The following ITPRIP variants were observed in gnomAD, a reference collection of about 807,000 sequenced individuals.
The protein encoded by ITPRIP is inositol 1,4,5-trisphosphate receptor-interacting protein.
Under a neutral mutation model 35.8 loss-of-function variants are expected in ITPRIP, and 32 were observed. The observed-to-expected ratio is 0.89, with a 90% confidence interval of 0.68 to 1.20. The LOEUF (loss-of-function observed/expected upper bound fraction) is 1.20, where lower values mean the gene tolerates loss of function less well. ITPRIP is among the 50% of genes most tolerant of loss of function. The pLI, the probability that ITPRIP is intolerant of heterozygous loss-of-function variation, is 0.00. For synonymous variants in ITPRIP, 358 were observed against 324.0 expected, an observed-to-expected ratio of 1.11 and a Z score of -1.13; for missense variants, 653 against 735.6, an observed-to-expected ratio of 0.89 and a Z score of 1.30.
At position 104,314,789 on chromosome 10, in the gene ITPRIP, G is replaced by A. The variant is rs757807047; in HGVS notation, c.1263C>T (p.Arg421=). The change falls in exon 2 of 2, where the codon CGC becomes CGT. Residue 421 remains arginine, a synonymous_variant. Coordinates refer to ENST00000337478, the MANE Select transcript of ITPRIP (RefSeq NM_001272013.2). ...TGCTGAGCCCGCTGGGACCGGTCAG[G>A]CGGCTCTGCTTGGAGAGCAGGAAGG... The part of the protein sequence containing the change: ...IASFLLSKQS[R]LTGPSGLSSY... 6.2e-7 allele frequency: 1 copy of A among 1,613,976 alleles called. No homozygotes were observed. Among genetic ancestry groups the A allele is most frequent in the Admixed American group, 1.7e-5 (1 of 60,030 alleles).
intron 1 of ITPRIP, among the ~76,000 whole-genome samples, chr10:104,319,005 C>T (rs997011306): frequency 6.6e-6 from 1 of 152,240 alleles, no homozygotes; most frequent in Non-Finnish European, 1.5e-5. Flanking sequence ...AGGATGTAGG[C>T]AGTGCATAGT....
chr10:104,336,149 G>C (rs1434655311), intron 1 of ITPRIP, among the ~76,000 whole-genome samples: 1 of 152,200 alleles, frequency 6.6e-6, no homozygotes, highest in Non-Finnish European at 1.5e-5. Flanking sequence ...CCATCCTCTT[G>C]CCAAGACAGA....
intron 1 of ITPRIP, among the ~76,000 whole-genome samples, chr10:104,318,276 G>A (rs1185909780): frequency 6.6e-6 from 1 of 152,216 alleles, no homozygotes; most frequent in South Asian, 2.1e-4. Flanking sequence ...GCGAGGCTGG[G>A]TGATTAACAT....
At chr10:104,327,494 C>T (rs2014050247) in intron 1 of ITPRIP, among the ~76,000 whole-genome samples, 1 of 152,172 alleles carries the variant, frequency 6.6e-6, no homozygotes, top group Non-Finnish European at 1.5e-5. Flanking sequence ...ATCCATGCTT[C>T]ACCCCTCTGC....
chr10:104,329,333 T>G (rs549233394), intron 1 of ITPRIP, among the ~76,000 whole-genome samples: 1 of 151,936 alleles, frequency 6.6e-6, no homozygotes, highest in African/African-American at 2.4e-5. Flanking sequence ...ATGGTAAGGC[T>G]AGGAACAGTT....
chr10:104,313,923 C>T lies in ITPRIP; in HGVS notation c.*485G>A. 2.0e-6 allele frequency: 2 copies of T among 989,900 alleles called. No individual in the cohort carries two copies. The highest frequency in any genetic ancestry group is 2.4e-6 in the Non-Finnish European group (2 of 832,874). 61.3% of individuals were successfully genotyped at this position (989,900 alleles called of 1,614,324 possible). On this transcript the variant is annotated 3_prime_UTR_variant, in exon 2 of 2. Transcript: ENST00000337478. ...CAAAGGTGGACATTCCCATATCTGT[C>T]CCTGTTAGTGCTTTGGCTGCAGATG... is the stretch of plus-strand genomic sequence containing the variant.
At chr10:104,332,219 A>G (rs994499352) in intron 1 of ITPRIP, among the ~76,000 whole-genome samples, 11 of 152,046 alleles carry the variant, frequency 7.2e-5, no homozygotes, top group African/African-American at 2.2e-4. Context: ...AAATGAAGCC[A>G]CTATTTTTTT....
rs572836641 is a variant in ITPRIP at position 104,316,306 on chromosome 10, C to T, written c.-13-242G>A. ...AGACATTCCTGGATGGCAGCAGCACCCCACTGTCCCTAACCCTTTTCTCCT... is the reference window on the plus strand; with the variant it reads ...AGACATTCCTGGATGGCAGCAGCACTCCACTGTCCCTAACCCTTTTCTCCT... On this transcript the variant is annotated intron_variant, in intron 1 of 1. Transcript: ENST00000337478. Among the ~76,000 whole-genome samples the T allele has an allele frequency of 9.9e-5, 15 of 152,260 alleles. No homozygotes were observed. In the East Asian group the frequency reaches 2.9e-3, roughly 29 times the overall value.
At chr10:104,331,331 G>A (rs546762806) in intron 1 of ITPRIP, among the ~76,000 whole-genome samples, 12 of 152,328 alleles carry the variant, frequency 7.9e-5, no homozygotes, top group African/African-American at 2.4e-4. Context: ...AACAAAGGAC[G>A]CGTTCGTAAA....
rs1269895943 is a variant in ITPRIP at position 104,312,800 on chromosome 10, G to A, written c.*1608C>T. 2.0e-6 allele frequency: 2 copies of A among 985,240 alleles called. No homozygotes were observed. The highest frequency in any genetic ancestry group is 9.4e-5 in the South Asian group (2 of 21,280). 61.0% of individuals were successfully genotyped at this position (985,240 alleles called of 1,614,324 possible). A position where few individuals can be genotyped will look rare whatever the true frequency, so the allele number is the denominator to read the frequency against. ...AAGGATCTCCTTCCTTCAGTTTGTG[G>A]GGTAACTGGGCACCCCTGTCAAGTT... is the stretch of plus-strand genomic sequence containing the variant. On this transcript the variant is annotated 3_prime_UTR_variant, in exon 2 of 2. Coordinates refer to ENST00000337478, the MANE Select transcript of ITPRIP (RefSeq NM_001272013.2).
At chr10:104,319,321 C>CTTCT (rs2013781990) in intron 1 of ITPRIP, among the ~76,000 whole-genome samples, 2 of 152,232 alleles carry the variant, frequency 1.3e-5, no homozygotes, top group East Asian at 3.9e-4. Context: ...CATCTACAGG[C>CTTCT]TTCTGCTTTC....
intron 1 of ITPRIP, among the ~76,000 whole-genome samples, chr10:104,329,108 C>G (rs2014097726): frequency 6.6e-6 from 1 of 151,906 alleles, no homozygotes; most frequent in South Asian, 2.1e-4. Flanking sequence ...CTGCAAAGAT[C>G]TAAAAACCCC....
chr10:104,334,138 T>C (rs1227420401), intron 1 of ITPRIP, among the ~76,000 whole-genome samples: 1 of 152,198 alleles, frequency 6.6e-6, no homozygotes, highest in Non-Finnish European at 1.5e-5. Context: ...CACACCGCCT[T>C]GGCTCTGGGC....
chr10:104,313,134 G>T lies in ITPRIP; in HGVS notation c.*1274C>A, dbSNP rs576521883. 20 of 985,420 alleles carry T rather than the reference G, an allele frequency of 2.0e-5. No homozygotes were observed. The South Asian group carries it at 8.0e-4, about 39-fold the overall frequency. 61.0% of individuals were successfully genotyped at this position (985,420 alleles called of 1,614,324 possible). On this transcript the variant is annotated 3_prime_UTR_variant, in exon 2 of 2. Transcript: ENST00000337478. ...AGCCCCGCTGGAGTGAGGAACTAGGGGCTCAGAGCCTGCAGACTGGAGCTA... is the reference window on the plus strand; with the variant it reads ...AGCCCCGCTGGAGTGAGGAACTAGGTGCTCAGAGCCTGCAGACTGGAGCTA...
Position 104,315,288 on chromosome 10 carries a change from C to A in ITPRIP, c.764G>T (p.Cys255Phe), listed in dbSNP as rs1180574217. The change falls in exon 2 of 2, where the codon TGC becomes TTC. Residue 255 changes from cysteine (C) to phenylalanine (F), a missense_variant. Transcript: ENST00000337478. The surrounding 1 kb of genome is among the most constrained non-coding windows in gnomAD (Gnocchi z 5.7). Reference protein sequence around the residue: ...VVRADGDTLSCICGKTKLGED... With the variant: ...VVRADGDTLSFICGKTKLGED... ...CCCGAGCTTGGTCTTGCCGCAGATG[C>A]AGCTCAATGTGTCCCCATCGGCGCG... 6.3e-7 allele frequency: 1 copy of A among 1,597,808 alleles called. No homozygotes were observed. The highest frequency in any genetic ancestry group is 8.5e-7 in the Non-Finnish European group (1 of 1,170,116).
chr10:104,320,488 C>G (rs924020562), intron 1 of ITPRIP, among the ~76,000 whole-genome samples: 1 of 152,006 alleles, frequency 6.6e-6, no homozygotes, highest in African/African-American at 2.4e-5. Flanking sequence ...CTTTCCACAC[C>G]AAACTAACAT....
chr10:104,325,511 C>T (rs1000180583), intron 1 of ITPRIP, among the ~76,000 whole-genome samples: 6 of 152,384 alleles, frequency 3.9e-5, no homozygotes, highest in African/African-American at 1.4e-4. Flanking sequence ...TGAGGGCTGA[C>T]TCTGTGCCAG....
At chr10:104,327,835 G>A (rs2014061342) in intron 1 of ITPRIP, among the ~76,000 whole-genome samples, 1 of 152,250 alleles carries the variant, frequency 6.6e-6, no homozygotes, top group Admixed American at 6.5e-5. Flanking sequence ...AAGGTGCTGA[G>A]AGGTGGGGCA....
rs1478408011 is a variant in ITPRIP, at chr10:104,315,659, C to A, written c.393G>T (p.Leu131Phe). The A allele has an allele frequency of 1.2e-6, 2 of 1,612,292 alleles. No individual in the cohort carries two copies. Among genetic ancestry groups the A allele is most frequent in the African/African-American group, 1.3e-5 (1 of 74,942 alleles). ...DELPGLGGAP[L>F]QGLTLPNKAT... Reference sequence around the variant, plus strand: ...CCTTGTTGGGCAGGGTGAGGCCCTGCAAGGGGGCGCCCCCCAGCCCAGGCA... The same window carrying A: ...CCTTGTTGGGCAGGGTGAGGCCCTGAAAGGGGGCGCCCCCCAGCCCAGGCA... The change falls in exon 2 of 2, where the codon TTG becomes TTT. Residue 131 changes from leucine to phenylalanine, a missense_variant. Leu to Phe is a conservative substitution (Grantham distance 22, BLOSUM62 0). Transcript: ENST00000337478. This position sits in a 1 kb window ranked among gnomAD's most constrained non-coding sequence, Gnocchi z 5.7.
Sources: gnomAD v4.1 joint callset for allele counts (sites outside exome capture counted in the v4.1 genomes callset) on GRCh38, gnomAD v4.1.1 for gene constraint, Gnocchi (gnomAD v3.1) non-coding constraint, MANE v1.5 for transcripts, NCBI Gene and HGNC (gene_info 2026-07-23, HGNC 2026-07-21) for gene names.